CDH13: variants seen among roughly 807,000 people sequenced by gnomAD.
The protein encoded by CDH13 is cadherin 13.
Under a neutral mutation model 63.8 loss-of-function variants are expected in CDH13, and 24 were observed. The observed-to-expected ratio is 0.38, with a 90% CI of 0.27 to 0.53. CDH13 has a LOEUF of 0.53. CDH13 is among the 20% of genes least tolerant of loss of function. The pLI is 0.85. For synonymous variants in CDH13, 503 were observed against 355.3 expected (o/e 1.42, Z -4.67); for missense variants, 1,049 against 903.1 (o/e 1.16, Z -2.07).
intron 13 of CDH13, chr16:83,789,860 C>G (rs922684950): frequency 2.0e-5 from 3 of 152,054 alleles, no homozygotes; most frequent in African/African-American, 7.3e-5. Flanking sequence ...TCCATATCGC[C>G]TGTGCCCGTT....
At position 83,799,208 on chromosome 16, in the gene CDH13, G is replaced by C. The variant is rs1904300398; in HGVS notation, c.*4178G>C. On this transcript the variant is annotated 3_prime_UTR_variant, in exon 14 of 14. Coordinates refer to ENST00000567109, the MANE Select transcript of CDH13 (RefSeq NM_001257.5). ...CACACCTGAAACCCCAGCTACTCAGGAGGCTGAGGCAGGAGAATCGCTTGA... is the reference window on the plus strand; with the variant it reads ...CACACCTGAAACCCCAGCTACTCAGCAGGCTGAGGCAGGAGAATCGCTTGA... 6.6e-6 allele frequency: 1 copy of C among 151,562 alleles called. No individual in the cohort carries two copies. The highest frequency in any genetic ancestry group is 6.6e-5 in the Admixed American group (1 of 15,164). The allele number at this position is 151,562 out of a possible 1,614,324, so 9.4% of individuals were successfully genotyped here.
chr16:82,816,245 T>C (rs1316903573), intron 1 of CDH13, among the ~76,000 whole-genome samples: 1 of 152,134 alleles, frequency 6.6e-6, no homozygotes, highest in African/African-American at 2.4e-5. Flanking sequence ...CACTATCTTA[T>C]TATTTGTAGC....
intron 5 of CDH13, among the ~76,000 whole-genome samples, chr16:83,240,715 A>ATTTT (rs761301050): frequency 7.5e-4 from 37 of 49,472 alleles, no homozygotes; most frequent in South Asian, 2.1e-3. Context: ...TACTGTCTTA[A>ATTTT]TCTTTTTTTT....
intron 3 of CDH13, among the ~76,000 whole-genome samples, chr16:83,058,712 T>C (rs2031210885): frequency 1.3e-5 from 2 of 152,186 alleles, no homozygotes; most frequent in African/African-American, 2.4e-5. Flanking sequence ...CAGAAGAGTC[T>C]TATGTAGTGC....
At chr16:83,741,609 C>T (rs986552702) in intron 10 of CDH13, among the ~76,000 whole-genome samples, 8 of 152,038 alleles carry the variant, frequency 5.3e-5, no homozygotes, top group African/African-American at 1.9e-4. Flanking sequence ...AAATTTGATA[C>T]GTATATAATC....
At chr16:83,765,164 G>A (rs1445137464) in intron 11 of CDH13, among the ~76,000 whole-genome samples, 1 of 152,170 alleles carries the variant, frequency 6.6e-6, no homozygotes, top group Non-Finnish European at 1.5e-5. Context: ...TAGCATTAGC[G>A]TTTCAAGAGC....
chr16:82,674,303 C>G (rs1353309979), intron 1 of CDH13, among the ~76,000 whole-genome samples: 2 of 152,158 alleles, frequency 1.3e-5, no homozygotes, highest in African/African-American at 2.4e-5. Flanking sequence ...ATGAAGATCC[C>G]TTTCTTCAGG....
At chr16:83,196,960 A>C (rs1407306382) in intron 4 of CDH13, among the ~76,000 whole-genome samples, 1 of 152,172 alleles carries the variant, frequency 6.6e-6, no homozygotes, top group Non-Finnish European at 1.5e-5. Context: ...AGAAATAAAA[A>C]CTTATGTTCA....
At chr16:82,939,655 G>C (rs1421826701) in intron 2 of CDH13, among the ~76,000 whole-genome samples, 1 of 152,092 alleles carries the variant, frequency 6.6e-6, no homozygotes, top group East Asian at 1.9e-4. Flanking sequence ...TATTAGTGTG[G>C]TTGTTTGCTG....
intron 2 of CDH13, among the ~76,000 whole-genome samples, chr16:82,932,961 G>A (rs1472047571): frequency 2.0e-5 from 3 of 152,102 alleles, no homozygotes; most frequent in African/African-American, 7.2e-5. Context: ...ATGAAAGCAA[G>A]GGTTAGCATT....
rs993666214 is a variant in CDH13, at chr16:83,261,315, C to A, written c.636+43818C>A. Among the ~76,000 whole-genome samples, 19 of 152,166 alleles carry A rather than the reference C, an allele frequency of 1.2e-4. No homozygotes were observed. The East Asian group carries it at 3.5e-3, about 28-fold the overall frequency. On this transcript the variant is annotated intron_variant, in intron 5 of 13. Transcript: ENST00000567109. The stretch of plus-strand genomic sequence containing the variant: ...CTCATTACCGATACGTTAACTTCAT[C>A]CCCTCGATAAGCCAGCTGTTCTCAA...
intron 3 of CDH13, among the ~76,000 whole-genome samples, chr16:83,078,528 C>A (rs2151556878): frequency 6.6e-6 from 1 of 152,320 alleles, no homozygotes; most frequent in Non-Finnish European, 1.5e-5. Flanking sequence ...GGAGCTCAGG[C>A]AGTAATGCTC....
chr16:82,830,947 G>T (rs1383903918), intron 1 of CDH13, among the ~76,000 whole-genome samples: 1 of 152,066 alleles, frequency 6.6e-6, no homozygotes, highest in East Asian at 1.9e-4. Context: ...GTTATAATGG[G>T]CCTGGTATAC....
intron 8 of CDH13, among the ~76,000 whole-genome samples, chr16:83,667,067 T>A (rs962753463): frequency 1.3e-5 from 2 of 150,652 alleles, no homozygotes; most frequent in Non-Finnish European, 3.0e-5. Context: ...GGATGATGAA[T>A]GGAAGGATGG....
chr16:82,822,979 C>G (rs188406663), intron 1 of CDH13, among the ~76,000 whole-genome samples: 1 of 152,096 alleles, frequency 6.6e-6, no homozygotes, highest in African/African-American at 2.4e-5. Context: ...GGGTGTGGAA[C>G]AGAGAGACAA....
intron 2 of CDH13, among the ~76,000 whole-genome samples, chr16:82,922,329 A>T (rs4312297): frequency 0.48 from 72,713 of 152,092 alleles, 19,635 homozygotes; most frequent in Non-Finnish European, 0.63. Flanking sequence ...TAGGAAAGGT[A>T]AGGAAAGACA....
chr16:83,083,426 G>A (rs750505276), intron 3 of CDH13, among the ~76,000 whole-genome samples: 2 of 152,178 alleles, frequency 1.3e-5, no homozygotes, highest in Non-Finnish European at 2.9e-5. Context: ...TCCAATCTGT[G>A]TAGTCCTGCA....
intron 2 of CDH13, among the ~76,000 whole-genome samples, chr16:82,974,148 A>G (rs1174357100): frequency 3.7e-4 from 56 of 152,154 alleles, no homozygotes; most frequent in Admixed American, 3.5e-3. Context: ...CACGTTGGCC[A>G]GGCTGATTTT....
At chr16:83,041,162 A>G (rs1339222501) in intron 3 of CDH13, among the ~76,000 whole-genome samples, 1 of 152,196 alleles carries the variant, frequency 6.6e-6, no homozygotes, top group African/African-American at 2.4e-5. Context: ...CAATAAAGGG[A>G]AACTGGTCTC....
Sources: gnomAD v4.1 joint callset for allele counts (sites outside exome capture counted in the v4.1 genomes callset) on GRCh38, gnomAD v4.1.1 for gene constraint, MANE v1.5 for transcripts, NCBI Gene and HGNC (gene_info 2026-07-23, HGNC 2026-07-21) for gene names.